Variants in ITGA9 observed in about 807,000 individuals in gnomAD.
The protein encoded by ITGA9 is integrin alpha-9.
A neutral mutation model predicts 127.8 loss-of-function variants in ITGA9; 56 were observed. The observed-to-expected ratio is 0.44, with a 90% confidence interval of 0.35 to 0.55. The LOEUF (loss-of-function observed/expected upper bound fraction) is 0.55, where lower values mean the gene tolerates loss of function less well. ITGA9 is among the 20% of genes least tolerant of loss of function. The pLI is 0.00. For missense variants in ITGA9, 1,196 were observed against 1,347.1 expected, an observed-to-expected ratio of 0.89 and a Z score of 1.76; for synonymous variants, 508 against 514.5, an observed-to-expected ratio of 0.99 and a Z score of 0.17.
At chr3:37,617,457 C>A (rs926603711) in intron 15 of ITGA9, among the ~76,000 whole-genome samples, 2 of 152,064 alleles carry the variant, frequency 1.3e-5, no homozygotes, top group African/African-American at 2.4e-5. Context: ...TTGCTCTTCT[C>A]GAGGAGTATC....
At chr3:37,494,624 T>C (rs1425337170) in intron 5 of ITGA9, 56 bp downstream of exon 5, 1 of 1,477,646 alleles carries the variant, frequency 6.8e-7, no homozygotes, top group African/African-American at 1.4e-5. Flanking sequence ...ATTTCCTTGC[T>C]TATATGATTT....
chr3:37,587,863 G>A (rs914259950), intron 15 of ITGA9, among the ~76,000 whole-genome samples: 2 of 152,194 alleles, frequency 1.3e-5, no homozygotes, highest in African/African-American at 4.8e-5. Context: ...ATTAGAACCA[G>A]AACAACATTT....
At chr3:37,763,788 A>G (rs1696748285) in intron 23 of ITGA9, among the ~76,000 whole-genome samples, 1 of 152,192 alleles carries the variant, frequency 6.6e-6, no homozygotes, top group Admixed American at 6.5e-5. Context: ...ATTTTTATCT[A>G]TGCTGCTCTT....
At position 37,823,449 on chromosome 3, in the gene ITGA9, TG is replaced by T; in HGVS notation, c.*4463del. ...TCACTTCTGATTCACTTGCACTGTT[TG>T]GGAAATGTCAGGTTTACAAAAACAT... is the stretch of plus-strand genomic sequence containing the variant. On this transcript the variant is annotated 3_prime_UTR_variant, in exon 28 of 28. Transcript: ENST00000264741. 1 of 152,332 alleles carries T rather than the reference TG, an allele frequency of 6.6e-6. No homozygotes were observed. Among genetic ancestry groups the T allele is most frequent in the East Asian group, 1.9e-4 (1 of 5,192 alleles). The allele number at this position is 152,332 out of a possible 1,614,324, so 9.4% of individuals were successfully genotyped here.
chr3:37,636,135 G>C (rs1035021070), intron 16 of ITGA9, among the ~76,000 whole-genome samples: 2 of 152,032 alleles, frequency 1.3e-5, no homozygotes, highest in African/African-American at 4.8e-5. Flanking sequence ...ATAATCCTTT[G>C]GGTATATACC....
intron 13 of ITGA9, among the ~76,000 whole-genome samples, chr3:37,528,277 G>C (rs1699114837): frequency 6.6e-6 from 1 of 152,184 alleles, no homozygotes; most frequent in South Asian, 2.1e-4. Flanking sequence ...AGTAAAGCGA[G>C]GCAGTTACAC....
At position 37,629,530 on chromosome 3, in the gene ITGA9, C is replaced by G; in HGVS notation, c.1839+194C>G. The stretch of plus-strand genomic sequence containing the variant: ...CAGTCTTAGGGGTTACTTGTGACTA[C>G]TGTGGGACTTAAACACTTTCAGACA... On this transcript the variant is annotated intron_variant, in intron 16 of 27. Coordinates refer to ENST00000264741, the MANE Select transcript of ITGA9 (RefSeq NM_002207.3). This position sits in a 1 kb window ranked among gnomAD's most constrained non-coding sequence, Gnocchi z 4.5. The G allele has an allele frequency of 1.5e-6, 1 of 673,186 alleles. No individual in the cohort carries two copies. Among genetic ancestry groups the G allele is most frequent in the Non-Finnish European group, 2.6e-6 (1 of 380,162 alleles). 41.7% of individuals were successfully genotyped at this position (673,186 alleles called of 1,614,324 possible). A position where few individuals can be genotyped will look rare whatever the true frequency, so the allele number is the denominator to read the frequency against.
At chr3:37,483,163 G>A (rs1450725618) in intron 4 of ITGA9, among the ~76,000 whole-genome samples, 1 of 152,164 alleles carries the variant, frequency 6.6e-6, no homozygotes, top group Non-Finnish European at 1.5e-5. Context: ...CAGTACTTTG[G>A]TTTTCCCAGA....
chr3:37,803,462 G>A (rs1697257964), intron 26 of ITGA9, among the ~76,000 whole-genome samples: 1 of 152,184 alleles, frequency 6.6e-6, no homozygotes, highest in Non-Finnish European at 1.5e-5. Context: ...CCCAGGCTGG[G>A]CTCCATCATG....
intron 2 of ITGA9, 80 bp downstream of exon 2, chr3:37,471,214 T>G: frequency 6.7e-7 from 1 of 1,502,880 alleles, no homozygotes; most frequent in Non-Finnish European, 9.3e-7. Context: ...GATGGCCTGA[T>G]CATTCACTCA....
intron 18 of ITGA9, among the ~76,000 whole-genome samples, chr3:37,723,196 T>A (rs1701210487): frequency 6.6e-6 from 1 of 152,286 alleles, no homozygotes; most frequent in Non-Finnish European, 1.5e-5. Flanking sequence ...CAAGACTTTT[T>A]AAAAATGTAT....
intron 13 of ITGA9, among the ~76,000 whole-genome samples, chr3:37,531,040 C>T (rs553685466): frequency 5.3e-5 from 8 of 152,074 alleles, no homozygotes; most frequent in East Asian, 1.9e-4. Flanking sequence ...CGTGAGCCAC[C>T]GCGCCCGGCC....
intron 15 of ITGA9, among the ~76,000 whole-genome samples, chr3:37,620,825 C>T (rs772658627): frequency 6.6e-6 from 1 of 152,162 alleles, no homozygotes; most frequent in African/African-American, 2.4e-5. Context: ...GCTATTCTTC[C>T]CTCATTGGAT....
rs11356780 is a variant in ITGA9 at position 37,778,741 on chromosome 3, C to CT, written c.2668-1153dup. ...GAATGACAATGCTTTCCAAAGCCTC[C>CT]TTTTTTTTATCTTTGGTTACATTTC... is the stretch of plus-strand genomic sequence containing the variant. On this transcript the variant is annotated intron_variant, in intron 24 of 27. Transcript: ENST00000264741. Among the ~76,000 whole-genome samples, 370 of 151,840 alleles carry CT rather than the reference C, an allele frequency of 2.4e-3. 2 individuals carry two copies. Among genetic ancestry groups the CT allele is most frequent in the Middle Eastern group, 3.4e-3 (1 of 292 alleles).
At chr3:37,662,132 G>T (rs1700542393) in intron 17 of ITGA9, among the ~76,000 whole-genome samples, 1 of 152,154 alleles carries the variant, frequency 6.6e-6, no homozygotes, top group African/African-American at 2.4e-5. Context: ...GCCAGGCGCA[G>T]TGGCTGTGCC....
At chr3:37,605,263 G>C (rs1892807) in intron 15 of ITGA9, among the ~76,000 whole-genome samples, 1 of 152,138 alleles carries the variant, frequency 6.6e-6, no homozygotes, top group Admixed American at 6.5e-5. Context: ...AGGAGATAGT[G>C]GGAAAGTCTG....
intron 15 of ITGA9, among the ~76,000 whole-genome samples, chr3:37,581,079 TG>T (rs1284919178): frequency 1.3e-5 from 2 of 152,196 alleles, no homozygotes; most frequent in African/African-American, 4.8e-5. Context: ...CTAAGAAGTT[TG>T]GATTTTATTT....
chr3:37,587,207 C>G (rs1699767521), intron 15 of ITGA9, among the ~76,000 whole-genome samples: 1 of 152,130 alleles, frequency 6.6e-6, no homozygotes, highest in Non-Finnish European at 1.5e-5. Context: ...GGTATGTATG[C>G]CCCAGGACAG....
intron 5 of ITGA9, among the ~76,000 whole-genome samples, chr3:37,499,396 T>C (rs899999386): frequency 6.6e-6 from 1 of 152,216 alleles, no homozygotes; most frequent in Non-Finnish European, 1.5e-5. Context: ...CATACCCCGG[T>C]TCCTCTAGGT....
Sources: allele counts gnomAD v4.1 joint callset (sites outside exome capture counted in the v4.1 genomes callset), GRCh38; gene constraint gnomAD v4.1.1; non-coding constraint Gnocchi (gnomAD v3.1); transcripts MANE v1.5; gene names NCBI Gene and HGNC (gene_info 2026-07-23, HGNC 2026-07-21).